The following GRIK4 variants were observed in gnomAD, a reference collection of about 807,000 sequenced individuals.
The protein encoded by GRIK4 is glutamate receptor ionotropic, kainate 4.
A neutral mutation model predicts 104.9 loss-of-function variants in GRIK4; 40 were observed. The observed-to-expected ratio is 0.38, with a 90% CI of 0.30 to 0.50. The LOEUF (loss-of-function observed/expected upper bound fraction) is 0.50. GRIK4 is among the 20% of genes least tolerant of loss of function. The pLI is 0.93. For missense variants in GRIK4, 1,047 were observed against 1,308.1 expected, an observed-to-expected ratio of 0.80 and a Z score of 3.08; for synonymous variants, 485 against 524.9, an observed-to-expected ratio of 0.92 and a Z score of 1.04.
intron 4 of GRIK4, among the ~76,000 whole-genome samples, chr11:120,814,871 C>G (rs1439042250): frequency 6.6e-6 from 1 of 152,232 alleles, no homozygotes; most frequent in African/African-American, 2.4e-5. Flanking sequence ...TGCCTCCGCT[C>G]CTTTTGACTT....
chr11:120,780,061 A>G (rs1390438054), intron 3 of GRIK4, among the ~76,000 whole-genome samples: 2 of 152,162 alleles, frequency 1.3e-5, no homozygotes, highest in African/African-American at 4.8e-5. Flanking sequence ...GAATAGTACT[A>G]TTTTACTCTA....
chr11:120,837,660 TAAAAC>T (rs1244335512), intron 8 of GRIK4, among the ~76,000 whole-genome samples: 1 of 149,546 alleles, frequency 6.7e-6, no homozygotes, highest in African/African-American at 2.5e-5. Flanking sequence ...CCTCAAAACA[TAAAAC>T]AGATGAACTT....
chr11:120,635,409 C>A (rs1020152335), intron 1 of GRIK4, among the ~76,000 whole-genome samples: 1 of 152,250 alleles, frequency 6.6e-6, no homozygotes, highest in Admixed American at 6.5e-5. Context: ...CACCCAGGGC[C>A]TTCCTGACAT....
At chr11:120,768,900 A>G (rs1050571154) in intron 3 of GRIK4, among the ~76,000 whole-genome samples, 2 of 152,234 alleles carry the variant, frequency 1.3e-5, no homozygotes, top group Admixed American at 1.3e-4. Flanking sequence ...CAACTTGGTC[A>G]TGATATATAA....
At chr11:120,929,183 A>T (rs918642750) in intron 13 of GRIK4, among the ~76,000 whole-genome samples, 1 of 152,118 alleles carries the variant, frequency 6.6e-6, no homozygotes, top group African/African-American at 2.4e-5. Flanking sequence ...AGGACACCAA[A>T]TATTTTGCAG....
rs545435766 is a variant in GRIK4 at position 120,594,885 on chromosome 11, C to T, written c.-158-58800C>T. On this transcript the variant is annotated intron_variant, in intron 1 of 20. Transcript: ENST00000527524. The stretch of plus-strand genomic sequence containing the variant: ...GGGCTGCCCTCATACGAGAGTGACT[C>T]GTGAAGAGGAGATGCCTGCATGCGT... Among the ~76,000 whole-genome samples, 9 of 152,272 alleles carry T rather than the reference C, an allele frequency of 5.9e-5. No individual in the cohort carries two copies. In the South Asian group the frequency reaches 1.7e-3, roughly 28 times the overall value.
chr11:120,850,711 G>T (rs1163565098), intron 8 of GRIK4, among the ~76,000 whole-genome samples: 1 of 152,052 alleles, frequency 6.6e-6, no homozygotes, highest in Non-Finnish European at 1.5e-5. Flanking sequence ...GAGGAATTTG[G>T]GCCCTGCTGA....
chr11:120,517,667 T>G (rs1351584883), intron 1 of GRIK4, among the ~76,000 whole-genome samples: 2 of 152,074 alleles, frequency 1.3e-5, no homozygotes, highest in Non-Finnish European at 2.9e-5. Context: ...CGGGCTAGGA[T>G]TGCTGCCTCG....
intron 1 of GRIK4, among the ~76,000 whole-genome samples, chr11:120,609,081 A>C (rs1948999290): frequency 6.6e-6 from 1 of 152,182 alleles, no homozygotes; most frequent in Non-Finnish European, 1.5e-5. Context: ...TGTCATATTT[A>C]GTCTGGCTCA....
intron 1 of GRIK4, among the ~76,000 whole-genome samples, chr11:120,567,724 A>G (rs969517049): frequency 1.3e-5 from 2 of 152,330 alleles, no homozygotes; most frequent in South Asian, 2.1e-4. Flanking sequence ...TTCCCTTCTC[A>G]GACACTTGTG....
chr11:120,847,134 C>T (rs1325091809), intron 8 of GRIK4, among the ~76,000 whole-genome samples: 5 of 152,210 alleles, frequency 3.3e-5, no homozygotes, highest in Admixed American at 3.3e-4. Context: ...TTGAGAGCAT[C>T]TAACTAAATC....
chr11:120,772,127 G>A lies in GRIK4; in HGVS notation c.83-30566G>A, dbSNP rs113216186. On this transcript the variant is annotated intron_variant, in intron 3 of 20. Transcript: ENST00000527524. Reference sequence around the variant, plus strand: ...CTCAGCCTCTGCCCCAGTGTGTCTAGAAGGCAGGAACTCTGCCCTAACAGG... The same window carrying A: ...CTCAGCCTCTGCCCCAGTGTGTCTAAAAGGCAGGAACTCTGCCCTAACAGG... Among the ~76,000 whole-genome samples, 161 of 152,344 alleles carry A rather than the reference G, an allele frequency of 1.1e-3. 2 individuals carry two copies. The highest frequency in any genetic ancestry group is 3.7e-3 in the African/African-American group (155 of 41,586).
chr11:120,540,748 A>G (rs1341637906), intron 1 of GRIK4, among the ~76,000 whole-genome samples: 1 of 152,212 alleles, frequency 6.6e-6, no homozygotes. Flanking sequence ...ATGTGAGTAC[A>G]GTATAGGCAT....
At position 120,511,821 on chromosome 11, in the gene GRIK4, GC is replaced by G; in HGVS notation, c.-224del. 1 of 359,686 alleles carries G rather than the reference GC, an allele frequency of 2.8e-6. No homozygotes were observed. Among genetic ancestry groups the G allele is most frequent in the Non-Finnish European group, 5.6e-6 (1 of 177,426 alleles). 22.3% of individuals were successfully genotyped at this position (359,686 alleles called of 1,614,324 possible). A position where few individuals can be genotyped will look rare whatever the true frequency, so the allele number is the denominator to read the frequency against. ...TGCGGAAGAGGAAAAACGGCCAACA[GC>G]AGCCCCGCGGCCGGCCCGGCAGCGC... On this transcript the variant is annotated 5_prime_UTR_variant, in exon 1 of 21. Transcript: ENST00000527524.
intron 3 of GRIK4, among the ~76,000 whole-genome samples, chr11:120,731,671 G>A (rs1951134162): frequency 6.6e-6 from 1 of 152,266 alleles, no homozygotes; most frequent in Admixed American, 6.5e-5. Flanking sequence ...GTAGAATTCA[G>A]CAGTAAAGCT....
At chr11:120,618,335 G>A (rs1429297618) in intron 1 of GRIK4, among the ~76,000 whole-genome samples, 2 of 152,208 alleles carry the variant, frequency 1.3e-5, no homozygotes, top group East Asian at 1.9e-4. Flanking sequence ...ATGCTCATAT[G>A]TATGGGCAAA....
intron 3 of GRIK4, among the ~76,000 whole-genome samples, chr11:120,662,085 A>G (rs187527482): frequency 2.9e-4 from 44 of 152,368 alleles, no homozygotes; most frequent in Non-Finnish European, 4.9e-4. Context: ...GGATTGAGCC[A>G]GAATCAGTAG....
intron 3 of GRIK4, among the ~76,000 whole-genome samples, chr11:120,751,695 C>T (rs1007572487): frequency 3.3e-5 from 5 of 152,194 alleles, no homozygotes; most frequent in Admixed American, 2.6e-4. Context: ...AACGATTCTG[C>T]AGGTTTCTCT....
At chr11:120,980,539 G>T (rs1006297387) in intron 19 of GRIK4, among the ~76,000 whole-genome samples, 1 of 152,174 alleles carries the variant, frequency 6.6e-6, no homozygotes, top group East Asian at 1.9e-4. Flanking sequence ...AGGTGTTAAC[G>T]TAAGATGTGG....
Sources: allele counts gnomAD v4.1 joint callset (sites outside exome capture counted in the v4.1 genomes callset), GRCh38; gene constraint gnomAD v4.1.1; transcripts MANE v1.5; gene names NCBI Gene and HGNC (gene_info 2026-07-23, HGNC 2026-07-21).